Variants in PDE4D observed in about 807,000 individuals in gnomAD.
PDE4D encodes the protein 3',5'-cyclic-AMP phosphodiesterase 4D.
Under a neutral mutation model 87.4 loss-of-function variants are expected in PDE4D, and 24 were observed. The observed-to-expected ratio is 0.27, with a 90% CI of 0.20 to 0.39. PDE4D has a LOEUF of 0.39. Among genes scored for constraint, PDE4D ranks in the 10% least tolerant of loss-of-function variants. The pLI is 1.00. For synonymous variants in PDE4D, 384 were observed against 383.2 expected (o/e 1.00, Z -0.02); for missense variants, 714 against 1,041.0 (o/e 0.69, Z 4.32).
At chr5:59,081,164 TATG>T (rs1374999935) in intron 5 of PDE4D, among the ~76,000 whole-genome samples, 1 of 152,160 alleles carries the variant, frequency 6.6e-6, no homozygotes, top group African/African-American at 2.4e-5. Context: ...TCATCCATAG[TATG>T]AAAACTCATT....
intron 6 of PDE4D, among the ~76,000 whole-genome samples, chr5:59,017,129 A>G (rs1273858086): frequency 6.6e-6 from 1 of 152,182 alleles, no homozygotes; most frequent in Non-Finnish European, 1.5e-5. Flanking sequence ...ACGGAATGAG[A>G]GCCGAGGCAA....
chr5:59,791,404 C>T (rs1765773803), intron 1 of PDE4D, among the ~76,000 whole-genome samples: 1 of 152,322 alleles, frequency 6.6e-6, no homozygotes, highest in Non-Finnish European at 1.5e-5. Context: ...AATTCTGGTT[C>T]TTCTCAGCTG....
intron 2 of PDE4D, among the ~76,000 whole-genome samples, chr5:60,121,441 C>T (rs1365399627): frequency 2.6e-5 from 4 of 152,122 alleles, no homozygotes; most frequent in Non-Finnish European, 5.9e-5. Flanking sequence ...ATTGGACTTA[C>T]ACTTCCATGT....
chr5:60,340,968 T>C (rs1468309949), intron 1 of PDE4D, among the ~76,000 whole-genome samples: 1 of 152,172 alleles, frequency 6.6e-6, no homozygotes, highest in Non-Finnish European at 1.5e-5. Context: ...TGTAAGAGTA[T>C]TCTCTAGAGA....
At chr5:59,450,400 A>G (rs1798962000) in intron 1 of PDE4D, among the ~76,000 whole-genome samples, 2 of 152,046 alleles carry the variant, frequency 1.3e-5, no homozygotes, top group South Asian at 4.1e-4. Context: ...AACAAAAGGA[A>G]CCTGGTGGGT....
chr5:59,407,341 G>A (rs747651458), intron 1 of PDE4D, among the ~76,000 whole-genome samples: 1 of 152,136 alleles, frequency 6.6e-6, no homozygotes, highest in African/African-American at 2.4e-5. Context: ...GCAAATGCTG[G>A]CATTATGCTT....
chr5:59,858,366 C>T (rs910017492), intron 1 of PDE4D, among the ~76,000 whole-genome samples: 6 of 151,992 alleles, frequency 3.9e-5, no homozygotes, highest in African/African-American at 4.8e-5. Context: ...GGCCCCAAAT[C>T]CCTACTCCTT....
At chr5:58,997,099 G>T (rs1749396267) in intron 6 of PDE4D, among the ~76,000 whole-genome samples, 1 of 152,106 alleles carries the variant, frequency 6.6e-6, no homozygotes, top group South Asian at 2.1e-4. Flanking sequence ...TAGGAAGACG[G>T]TCTAAGGAAT....
intron 1 of PDE4D, among the ~76,000 whole-genome samples, chr5:60,390,657 A>T (rs953717098): frequency 2.6e-4 from 39 of 152,108 alleles, no homozygotes; most frequent in African/African-American, 8.2e-4. Context: ...AAAAAAAAAA[A>T]AAAAACAAGA....
At chr5:59,390,366 T>C (rs1426239323) in intron 1 of PDE4D, among the ~76,000 whole-genome samples, 2 of 152,150 alleles carry the variant, frequency 1.3e-5, no homozygotes, top group Non-Finnish European at 2.9e-5. Context: ...TCACTACTGT[T>C]TGATTTTCAT....
At chr5:59,668,918 GAAGA>G (rs150582699) in intron 1 of PDE4D, among the ~76,000 whole-genome samples, 8,345 of 69,436 alleles carry the variant, frequency 0.12, 1,096 homozygotes, top group East Asian at 0.17. Context: ...AGAAGAAGAA[GAAGA>G]AAGAAAGAAA....
intron 1 of PDE4D, among the ~76,000 whole-genome samples, chr5:59,366,680 T>C (rs1396079058): frequency 1.3e-5 from 2 of 152,234 alleles, no homozygotes; most frequent in African/African-American, 4.8e-5. Flanking sequence ...GTGGGTTTTA[T>C]TATTTTGTTT....
intron 1 of PDE4D, among the ~76,000 whole-genome samples, chr5:60,421,361 G>A (rs182096351): frequency 6.6e-6 from 1 of 152,194 alleles, no homozygotes; most frequent in African/African-American, 2.4e-5. Flanking sequence ...AGCAATATTT[G>A]CTGTTCTGCA....
At chr5:60,324,102 C>G (rs1756557339) in intron 1 of PDE4D, among the ~76,000 whole-genome samples, 1 of 152,098 alleles carries the variant, frequency 6.6e-6, no homozygotes, top group African/African-American at 2.4e-5. Flanking sequence ...CATCTGTTTC[C>G]TTTACCACTC....
chr5:59,175,907 G>A (rs10461658), intron 5 of PDE4D, among the ~76,000 whole-genome samples: 13,221 of 151,494 alleles, frequency 0.087, 686 homozygotes, highest in African/African-American at 0.14. Flanking sequence ...CGGGATTATA[G>A]GGGTGTGCCA....
At chr5:60,386,448 C>T (rs564594556) in intron 1 of PDE4D, among the ~76,000 whole-genome samples, 104 of 152,338 alleles carry the variant, frequency 6.8e-4, no homozygotes, top group Admixed American at 1.6e-3. Context: ...TGACAGTGAG[C>T]TGCCTTCACA....
At chr5:59,020,421 C>T (rs942268456) in intron 6 of PDE4D, among the ~76,000 whole-genome samples, 5 of 150,144 alleles carry the variant, frequency 3.3e-5, no homozygotes, top group African/African-American at 1.3e-4. Flanking sequence ...GGCAGTGAGC[C>T]GAGATTGTGC....
intron 5 of PDE4D, among the ~76,000 whole-genome samples, chr5:59,142,213 A>G (rs964135507): frequency 6.6e-6 from 1 of 152,234 alleles, no homozygotes; most frequent in African/African-American, 2.4e-5. Flanking sequence ...GCATTCCACT[A>G]GCCCTCTTAG....
At chr5:59,581,097 A>AG (rs1335905628) in intron 1 of PDE4D, among the ~76,000 whole-genome samples, 2 of 152,174 alleles carry the variant, frequency 1.3e-5, no homozygotes, top group African/African-American at 4.8e-5. Flanking sequence ...CAGTTGCAGC[A>AG]GTTATGGCTT....
Sources: allele counts gnomAD v4.1 joint callset (sites outside exome capture counted in the v4.1 genomes callset), GRCh38; gene constraint gnomAD v4.1.1; transcripts MANE v1.5; gene names NCBI Gene and HGNC (gene_info 2026-07-23, HGNC 2026-07-21).